The following KCNMA1 variants were observed in gnomAD, a reference collection of about 807,000 sequenced individuals.
KCNMA1 encodes the protein potassium calcium-activated channel subfamily M alpha 1.
In KCNMA1, 29 loss-of-function variants were observed where a neutral mutation model predicts 140.0. That is an observed-to-expected ratio of 0.21 (90% CI 0.15 to 0.28). KCNMA1 has a LOEUF of 0.28. KCNMA1 is among the 10% of genes least tolerant of loss of function. The pLI, the probability that KCNMA1 is intolerant of heterozygous loss-of-function variation, is 1.00. For missense variants in KCNMA1, 880 were observed against 1,602.2 expected (o/e 0.55, Z 7.70); for synonymous variants, 612 against 611.9 (o/e 1.00, Z 0.00).
intron 1 of KCNMA1, among the ~76,000 whole-genome samples, chr10:77,479,353 T>C (rs918472087): frequency 1.2e-4 from 19 of 152,100 alleles, no homozygotes; most frequent in Non-Finnish European, 2.9e-5. Flanking sequence ...AGATGCGGGA[T>C]AAAATCCACT....
intron 4 of KCNMA1, 122 bp downstream of exon 4, chr10:77,184,701 T>G: frequency 1.3e-6 from 1 of 743,726 alleles, no homozygotes; most frequent in Non-Finnish European, 2.5e-6. Context: ...AAAATCAGAA[T>G]GCGGGTGCGC....
At chr10:76,900,418 A>C (rs1015427659) in intron 25 of KCNMA1, among the ~76,000 whole-genome samples, 46 of 152,102 alleles carry the variant, frequency 3.0e-4, no homozygotes, top group Admixed American at 1.7e-3. Flanking sequence ...GTAGTACACA[A>C]AATTTCTACT....
chr10:76,941,069 A>AAGAAAGAAAGAAAGAAAGAAAGAG (rs1554961013), intron 23 of KCNMA1, among the ~76,000 whole-genome samples: 6 of 68,790 alleles, frequency 8.7e-5, no homozygotes, highest in South Asian at 5.2e-4. Flanking sequence ...GAAAGAAAGA[A>AAGAAAGAAAGAAAGAAAGAAAGAG]AAAGAAAGAA....
chr10:77,056,332 A>G (rs1028531738), intron 14 of KCNMA1, among the ~76,000 whole-genome samples: 2 of 152,122 alleles, frequency 1.3e-5, no homozygotes, highest in African/African-American at 4.8e-5. Flanking sequence ...GTGAGCTGAG[A>G]TTGCACCACT....
intron 2 of KCNMA1, among the ~76,000 whole-genome samples, chr10:77,266,022 A>G (rs951193208): frequency 2.6e-5 from 4 of 151,082 alleles, no homozygotes; most frequent in Non-Finnish European, 5.9e-5. Context: ...CGGAGGTTGC[A>G]GTGAGCTGAG....
chr10:77,601,461 C>T (rs1333914138), intron 1 of KCNMA1, among the ~76,000 whole-genome samples: 1 of 152,204 alleles, frequency 6.6e-6, no homozygotes, highest in Non-Finnish European at 1.5e-5. Flanking sequence ...TAAGATTCCG[C>T]CAATCAAGCA....
chr10:77,197,413 C>A (rs141480318), intron 3 of KCNMA1, among the ~76,000 whole-genome samples: 19 of 152,200 alleles, frequency 1.2e-4, no homozygotes, highest in South Asian at 1.0e-3. Flanking sequence ...GAAAACTGGT[C>A]CTAGCTTCTA....
chr10:77,183,865 T>C (rs998170108), intron 4 of KCNMA1, among the ~76,000 whole-genome samples: 4 of 152,168 alleles, frequency 2.6e-5, no homozygotes, highest in African/African-American at 9.7e-5. Flanking sequence ...GCTTTTATGA[T>C]TGGACACACA....
At chr10:77,555,175 G>A (rs1036856606) in intron 1 of KCNMA1, among the ~76,000 whole-genome samples, 5 of 152,090 alleles carry the variant, frequency 3.3e-5, no homozygotes, top group African/African-American at 1.2e-4. Context: ...TGGGGAGGGG[G>A]CAGACAAACA....
chr10:77,301,641 G>A (rs556271687), intron 2 of KCNMA1, among the ~76,000 whole-genome samples: 5 of 151,812 alleles, frequency 3.3e-5, no homozygotes, highest in East Asian at 3.9e-4. Context: ...CACCAACCAC[G>A]AAGATTCTAC....
At chr10:77,137,189 T>C (rs2574793) in intron 5 of KCNMA1, among the ~76,000 whole-genome samples, 2 of 151,874 alleles carry the variant, frequency 1.3e-5, no homozygotes, top group Admixed American at 6.6e-5. Context: ...TTCATACATG[T>C]GAGGTCTCGG....
chr10:77,107,080 G>A (rs1357064215), intron 9 of KCNMA1, among the ~76,000 whole-genome samples: 3 of 152,180 alleles, frequency 2.0e-5, no homozygotes, highest in African/African-American at 7.2e-5. Context: ...AGCTCAGGAA[G>A]CACTGGACTC....
chr10:77,632,138 G>C (rs2093287679), intron 1 of KCNMA1, among the ~76,000 whole-genome samples: 1 of 152,190 alleles, frequency 6.6e-6, no homozygotes, highest in Non-Finnish European at 1.5e-5. Context: ...TCTACCAGCA[G>C]GATGCCGCCA....
At chr10:77,474,168 A>G (rs2098228010) in intron 1 of KCNMA1, among the ~76,000 whole-genome samples, 2 of 152,376 alleles carry the variant, frequency 1.3e-5, no homozygotes, top group Middle Eastern at 3.4e-3. Flanking sequence ...AGCCAGACAC[A>G]CAGCAAAGAC....
At chr10:77,123,105 G>A (rs953861848) in intron 5 of KCNMA1, among the ~76,000 whole-genome samples, 5 of 144,612 alleles carry the variant, frequency 3.5e-5, no homozygotes, top group Admixed American at 1.4e-4. Context: ...GCGTGTACCC[G>A]GGAGGCGGAG....
intron 1 of KCNMA1, among the ~76,000 whole-genome samples, chr10:77,621,667 G>A (rs544857518): frequency 1.4e-4 from 21 of 152,086 alleles, no homozygotes; most frequent in Non-Finnish European, 2.5e-4. Flanking sequence ...AGTGGCTCAC[G>A]CCTGTAATTC....
intron 17 of KCNMA1, among the ~76,000 whole-genome samples, chr10:77,017,874 G>A (rs996205438): frequency 1.4e-4 from 16 of 115,524 alleles, no homozygotes; most frequent in African/African-American, 4.8e-4. Context: ...TCATGGGGTT[G>A]CGTGAGAGTT....
chr10:76,986,259 G>T (rs565519050), intron 19 of KCNMA1, among the ~76,000 whole-genome samples: 2 of 152,314 alleles, frequency 1.3e-5, no homozygotes, highest in Admixed American at 6.5e-5. Context: ...AACCAAAAGG[G>T]TATCCTTTAA....
intron 18 of KCNMA1, among the ~76,000 whole-genome samples, chr10:77,006,737 T>C (rs949761039): frequency 2.6e-5 from 4 of 152,196 alleles, no homozygotes; most frequent in Non-Finnish European, 4.4e-5. Context: ...CTAGAGTTGT[T>C]GGTTGATTGA....
Sources: allele counts gnomAD v4.1 joint callset (sites outside exome capture counted in the v4.1 genomes callset), GRCh38; gene constraint gnomAD v4.1.1; transcripts MANE v1.5; gene names NCBI Gene and HGNC (gene_info 2026-07-23, HGNC 2026-07-21).